The following TREM2 variants were observed in gnomAD, a reference collection of about 807,000 sequenced individuals.
The protein encoded by TREM2 is triggering receptor expressed on myeloid cells 2, also known as triggering receptor expressed on monocytes 2.
TREM2 carries 20 observed loss-of-function variants against 22.9 expected under a neutral mutation model. That is an observed-to-expected ratio of 0.87 (90% CI 0.61 to 1.27). The LOEUF (loss-of-function observed/expected upper bound fraction) is 1.27, where lower values mean the gene tolerates loss of function less well. Ranked by LOEUF, TREM2 falls within the 50% of genes most tolerant of loss-of-function variation. The pLI, the probability that TREM2 is intolerant of heterozygous loss-of-function variation, is 0.00. For synonymous variants in TREM2, 111 were observed against 120.9 expected (o/e 0.92, Z 0.54); for missense variants, 267 against 289.0 (o/e 0.92, Z 0.55).
intron 2 of TREM2, among the ~76,000 whole-genome samples, chr6:41,160,549 G>A (rs191322210): frequency 3.3e-5 from 5 of 151,988 alleles, no homozygotes; most frequent in South Asian, 2.1e-4. Flanking sequence ...TGGTCCCTGC[G>A]CAGAGCTCGG....
intron 2 of TREM2, 22 bp downstream of exon 2, chr6:41,161,241 G>A: frequency 1.2e-6 from 2 of 1,604,726 alleles, no homozygotes; most frequent in Non-Finnish European, 1.7e-6. Context: ...GCAGGCCAGA[G>A]AGGCAGCCAC....
intron 2 of TREM2, among the ~76,000 whole-genome samples, chr6:41,160,729 C>T (rs1765542401): frequency 6.6e-6 from 1 of 152,212 alleles, no homozygotes; most frequent in African/African-American, 2.4e-5. Flanking sequence ...ACCACCCTCT[C>T]CATTTACAGA....
chr6:41,161,655 C>T (rs751429843), intron 1 of TREM2, 42 bp from the exon 2 acceptor site: 30 of 1,527,966 alleles, frequency 2.0e-5, no homozygotes, highest in South Asian at 3.5e-5. Flanking sequence ...TTACCAAATA[C>T]GCTTTGAACA....
chr6:41,159,764 G>T, intron 3 of TREM2, 28 bp downstream of exon 3: 3 of 1,609,486 alleles, frequency 1.9e-6, no homozygotes, highest in Non-Finnish European at 2.6e-6. Context: ...GTCTGCCCAC[G>T]GGTTTTAGGA....
intron 1 of TREM2, among the ~76,000 whole-genome samples, chr6:41,162,790 G>C (rs558571497): frequency 3.9e-5 from 6 of 152,218 alleles, no homozygotes; most frequent in African/African-American, 1.4e-4. Context: ...CCCTTCCAAT[G>C]CAACCAGAGT....
Position 41,158,520 on chromosome 6 carries a change from T to C in TREM2, c.*244A>G, listed in dbSNP as rs1425927649. On this transcript the variant is annotated 3_prime_UTR_variant, in exon 5 of 5. Transcript: ENST00000373113. ...ATGCCCAAAACTATCCAGCTAAATATGACAGTCTTGGATTTATTTGTAAGT... is the reference window on the plus strand; with the variant it reads ...ATGCCCAAAACTATCCAGCTAAATACGACAGTCTTGGATTTATTTGTAAGT... The C allele has an allele frequency of 2.2e-6, 3 of 1,361,750 alleles. No homozygotes were observed. The highest frequency in any genetic ancestry group is 2.5e-5 in the East Asian group (1 of 39,704). 84.4% of individuals were successfully genotyped at this position (1,361,750 alleles called of 1,614,324 possible). A position where few individuals can be genotyped will look rare whatever the true frequency, so the allele number is the denominator to read the frequency against.
chr6:41,159,697 G>C, intron 3 of TREM2, 95 bp downstream of exon 3: 2 of 1,116,936 alleles, frequency 1.8e-6, no homozygotes, highest in Middle Eastern at 1.9e-4. Flanking sequence ...TAGTTGCCTT[G>C]TAATTTGTAG....
chr6:41,158,659 C>A lies in TREM2; in HGVS notation c.*105G>T. On this transcript the variant is annotated 3_prime_UTR_variant, in exon 5 of 5. Coordinates refer to ENST00000373113, the MANE Select transcript of TREM2 (RefSeq NM_018965.4). ...AAGCAGTGTTCAGGCAGAGTAGTCTCTTGCCAGAGCAGAACAAGGAGTCCT... is the reference window on the plus strand; with the variant it reads ...AAGCAGTGTTCAGGCAGAGTAGTCTATTGCCAGAGCAGAACAAGGAGTCCT... The A allele has an allele frequency of 1.2e-6, 2 of 1,609,000 alleles. No homozygotes were observed. Among genetic ancestry groups the A allele is most frequent in the Non-Finnish European group, 1.7e-6 (2 of 1,177,458 alleles).
At chr6:41,162,449 C>T (rs1247984476) in intron 1 of TREM2, among the ~76,000 whole-genome samples, 2 of 152,150 alleles carry the variant, frequency 1.3e-5, no homozygotes, top group African/African-American at 4.8e-5. Flanking sequence ...CAGGTTTGTC[C>T]AGTGCTCTGG....
intron 3 of TREM2, 180 bp from the exon 4 acceptor site, chr6:41,159,246 G>A: frequency 1.4e-6 from 1 of 714,286 alleles, no homozygotes; most frequent in Non-Finnish European, 2.4e-6. Flanking sequence ...TGAGTTCTAG[G>A]CATGCTCTGC....
At chr6:41,160,406 T>A (rs1410235320) in intron 2 of TREM2, among the ~76,000 whole-genome samples, 1 of 152,004 alleles carries the variant, frequency 6.6e-6, no homozygotes, top group Non-Finnish European at 1.5e-5. Context: ...CTCATTTCCA[T>A]GGTAAAGAGC....
At position 41,158,731 on chromosome 6, in the gene TREM2, C is replaced by G. The variant is rs1414757369; in HGVS notation, c.*33G>C. 1 of 1,614,248 alleles carries G rather than the reference C, an allele frequency of 6.2e-7. No homozygotes were observed. The highest frequency in any genetic ancestry group is 1.7e-5 in the Admixed American group (1 of 60,024). On this transcript the variant is annotated 3_prime_UTR_variant, in exon 5 of 5. Coordinates refer to ENST00000373113, the MANE Select transcript of TREM2 (RefSeq NM_018965.4). ...CAGGCTGGGCTGGTCCCTGGTGGGA[C>G]TTCTCCTGGGCTTTTCCTCCCATCA...
Position 41,159,883 on chromosome 6 carries a change from C to T in TREM2, c.392-1G>A. On this transcript the variant is annotated splice_acceptor_variant, in intron 2 of 4. Transcript: ENST00000373113. LOFTEE classifies it high-confidence loss of function. ...CCAGCATCCCGGTGATCCAGGGGGT[C>T]TATGGGAGGCAGAGCCATGAGCCTC... 6.2e-7 allele frequency: 1 copy of T among 1,613,544 alleles called. No individual in the cohort carries two copies. The highest frequency in any genetic ancestry group is 8.5e-7 in the Non-Finnish European group (1 of 1,179,860).
At chr6:41,162,697 A>T (rs1436691342) in intron 1 of TREM2, among the ~76,000 whole-genome samples, 1 of 152,120 alleles carries the variant, frequency 6.6e-6, no homozygotes, top group African/African-American at 2.4e-5. Flanking sequence ...TTATAATTTC[A>T]GAGGCTATTA....
chr6:41,162,474 C>T (rs913988929), intron 1 of TREM2, among the ~76,000 whole-genome samples: 3 of 152,194 alleles, frequency 2.0e-5, no homozygotes, highest in Non-Finnish European at 2.9e-5. Context: ...GCAAAAGGTG[C>T]GCTTTCCTCA....
rs1171258917 is a variant in TREM2, at chr6:41,163,103, G to A, written c.-21C>T. 2 of 1,613,758 alleles carry A rather than the reference G, an allele frequency of 1.2e-6. No homozygotes were observed. Among genetic ancestry groups the A allele is most frequent in the African/African-American group, 2.7e-5 (2 of 74,924 alleles). On this transcript the variant is annotated 5_prime_UTR_variant, in exon 1 of 5. Coordinates refer to ENST00000373113, the MANE Select transcript of TREM2 (RefSeq NM_018965.4). Reference sequence around the variant, plus strand: ...TCCATGCCACCCTTCCCCAGCCAAGGGCAGAAGCAGAGTGCCTTGTGCAAG... The same window carrying A: ...TCCATGCCACCCTTCCCCAGCCAAGAGCAGAAGCAGAGTGCCTTGTGCAAG...
chr6:41,161,712 G>A (rs1765572668), intron 1 of TREM2, 99 bp from the exon 2 acceptor site: 1 of 1,031,504 alleles, frequency 9.7e-7, no homozygotes, highest in Admixed American at 2.0e-5. Flanking sequence ...TGCCCTGAAG[G>A]AGCTTAGGTT....
chr6:41,161,276 C>T lies in TREM2; in HGVS notation c.378G>A (p.Val126=). 1.2e-6 allele frequency: 2 copies of T among 1,613,972 alleles called. No individual in the cohort carries two copies. Among genetic ancestry groups the T allele is most frequent in the Non-Finnish European group, 1.7e-6 (2 of 1,179,910 alleles). The part of the protein sequence containing the change: ...SEADTLRKVL[V]EVLADPLDHR... ...CTGCCCACTCACCTGCCAGCACCTC[C>T]ACCAGGACCTTCCTGAGGGTGTCAG... The change falls in exon 2 of 5, where the codon GTG becomes GTA. Residue 126 remains valine (V), a synonymous_variant. Transcript: ENST00000373113.
rs1185237087 is a variant in TREM2 at position 41,159,071 on chromosome 6, G to A, written c.483-5C>T. 4 of 1,610,572 alleles carry A rather than the reference G, an allele frequency of 2.5e-6. No homozygotes were observed. The East Asian group carries it at 8.9e-5, about 36-fold the overall frequency. ...ATTTCTCCTTCCAAGAGGCTCCTTG[G>A]AGAGACAAGAAGGCAGATGGGAGCC... On this transcript the variant is annotated splice_region_variant and splice_polypyrimidine_tract_variant and intron_variant, in intron 3 of 4. Transcript: ENST00000373113.
Sources: gnomAD v4.1 joint callset for allele counts (sites outside exome capture counted in the v4.1 genomes callset) on GRCh38, gnomAD v4.1.1 for gene constraint, MANE v1.5 for transcripts, NCBI Gene and HGNC (gene_info 2026-07-23, HGNC 2026-07-21) for gene names.